FRMD5: variants seen among roughly 807,000 people sequenced by gnomAD.
FRMD5 encodes the protein FERM domain-containing protein 5.
FRMD5 carries 20 observed loss-of-function variants against 69.0 expected under a neutral mutation model. The ratio of observed to expected loss-of-function variants is 0.29; its 90% CI spans 0.20 to 0.42. FRMD5 has a LOEUF of 0.42. Ranked by LOEUF, FRMD5 falls within the 10% of genes least tolerant of loss-of-function variation. FRMD5 has a pLI of 1.00. For missense variants in FRMD5, 595 were observed against 708.6 expected, an observed-to-expected ratio of 0.84 and a Z score of 1.82; for synonymous variants, 271 against 260.1, an observed-to-expected ratio of 1.04 and a Z score of -0.40.
chr15:44,161,722 C>A (rs1169843454), intron 1 of FRMD5, among the ~76,000 whole-genome samples: 2 of 152,160 alleles, frequency 1.3e-5, no homozygotes, highest in African/African-American at 4.8e-5. Context: ...ACCTCATCTA[C>A]CTCTGTTCTA....
At chr15:44,191,233 T>A (rs889857202) in intron 1 of FRMD5, among the ~76,000 whole-genome samples, 1 of 152,204 alleles carries the variant, frequency 6.6e-6, no homozygotes, top group Non-Finnish European at 1.5e-5. Flanking sequence ...ATATTTCTAT[T>A]AGAAATGTTG....
chr15:44,108,450 G>A (rs2706493), intron 1 of FRMD5, among the ~76,000 whole-genome samples: 125,719 of 152,170 alleles, frequency 0.83, 54,639 homozygotes, highest in Non-Finnish European at 0.95. Context: ...TTCGAGACCA[G>A]CCTGACCAAC....
chr15:44,158,145 T>C (rs1319991769), intron 1 of FRMD5, among the ~76,000 whole-genome samples: 1 of 152,232 alleles, frequency 6.6e-6, no homozygotes. Flanking sequence ...CTAGGAATTT[T>C]AGAGCCTCTG....
rs1373836752 is a variant in FRMD5, at chr15:44,098,330, T to C, written c.102+96623A>G. Among the ~76,000 whole-genome samples the C allele has an allele frequency of 2.0e-5, 3 of 151,806 alleles. No individual in the cohort carries two copies. The East Asian group carries it at 5.8e-4, about 29-fold the overall frequency. On this transcript the variant is annotated intron_variant, in intron 1 of 13. Transcript: ENST00000417257. ...TCACGAGGTCAAGAGATCGAGACCA[T>C]CCTAACCAACATGGTGAAACCCTAT...
intron 1 of FRMD5, among the ~76,000 whole-genome samples, chr15:44,122,568 CAAACA>C (rs1444638309): frequency 6.6e-6 from 1 of 150,962 alleles, no homozygotes; most frequent in African/African-American, 2.4e-5. Context: ...GACCCTGCCT[CAAACA>C]AAACAAAACA....
In FRMD5 at chr15:43,883,700, C is replaced by T. The variant is rs151150599; in HGVS notation, c.1135+3G>A. 433 of 1,601,884 alleles carry T rather than the reference C, an allele frequency of 2.7e-4. 1 individual carries two copies. In the African/African-American group the frequency reaches 5.2e-3, roughly 19 times the overall value. ...GTGGTCACCTCAAGAAGCTCATGCT[C>T]ACCTTCCATGATGGAGATGTGAACA... On this transcript the variant is annotated splice_donor_region_variant and intron_variant, in intron 13 of 13. Transcript: ENST00000417257.
At chr15:43,991,439 C>CT (rs1889671010) in intron 1 of FRMD5, among the ~76,000 whole-genome samples, 1 of 152,208 alleles carries the variant, frequency 6.6e-6, no homozygotes, top group Admixed American at 6.5e-5. Flanking sequence ...TGGGACAGGT[C>CT]TTTGCTGCTG....
chr15:43,896,754 A>G (rs912575297), intron 7 of FRMD5, among the ~76,000 whole-genome samples: 2 of 152,194 alleles, frequency 1.3e-5, no homozygotes, highest in Non-Finnish European at 2.9e-5. Flanking sequence ...TTAGGCCTCT[A>G]GGGTCATACT....
chr15:44,128,849 GA>G (rs1176364299), intron 1 of FRMD5, among the ~76,000 whole-genome samples: 5 of 149,780 alleles, frequency 3.3e-5, no homozygotes, highest in Admixed American at 6.7e-5. Flanking sequence ...AAAAGAAAAA[GA>G]AAAAAAAACA....
chr15:44,050,134 A>G (rs906623751), intron 1 of FRMD5, among the ~76,000 whole-genome samples: 3 of 152,214 alleles, frequency 2.0e-5, no homozygotes, highest in Non-Finnish European at 2.9e-5. Flanking sequence ...CACAAAAATT[A>G]TATCTATGAA....
intron 1 of FRMD5, among the ~76,000 whole-genome samples, chr15:44,116,452 C>T (rs1202618057): frequency 6.6e-6 from 1 of 152,094 alleles, no homozygotes; most frequent in Non-Finnish European, 1.5e-5. Context: ...TAACAACTGG[C>T]AGAGCCTGTG....
intron 13 of FRMD5, 68 bp from the exon 14 acceptor site, chr15:43,874,530 T>C (rs921444646): frequency 2.4e-5 from 27 of 1,141,024 alleles, no homozygotes; most frequent in Non-Finnish European, 3.1e-5. Flanking sequence ...GTAGCACCCA[T>C]TGTGTTTTAT....
intron 1 of FRMD5, among the ~76,000 whole-genome samples, chr15:43,993,600 T>C (rs1287963735): frequency 2.0e-5 from 3 of 152,256 alleles, no homozygotes; most frequent in East Asian, 1.9e-4. Flanking sequence ...GTCCATTCGA[T>C]GTAAAGTACA....
chr15:44,152,047 TA>T, intron 1 of FRMD5, among the ~76,000 whole-genome samples: 1 of 152,150 alleles, frequency 6.6e-6, no homozygotes, highest in Non-Finnish European at 1.5e-5. Flanking sequence ...CCCTCTCTAC[TA>T]AAAATACAAA....
rs1489352459 is a variant in FRMD5, at chr15:43,900,873, T to C, written c.639+1302A>G. Among the ~76,000 whole-genome samples, 3 of 152,274 alleles carry C rather than the reference T, an allele frequency of 2.0e-5. No individual in the cohort carries two copies. In the East Asian group the frequency reaches 5.8e-4, roughly 29 times the overall value. On this transcript the variant is annotated intron_variant, in intron 7 of 13. Transcript: ENST00000417257. ...ACCTTGTGATCCGCCCACCTTGGCCTCCCAAAGTGCTGGGATAACAGGTGT... is the reference window on the plus strand; with the variant it reads ...ACCTTGTGATCCGCCCACCTTGGCCCCCCAAAGTGCTGGGATAACAGGTGT...
In FRMD5 at chr15:44,005,302, G is replaced by A. The variant is rs1595613294; in HGVS notation, c.103-80993C>T. ...TCGAGACCAGCCTGGCCAACATGGTGAAACCCCGTCTCTACAAAATCAGCC... is the reference window on the plus strand; with the variant it reads ...TCGAGACCAGCCTGGCCAACATGGTAAAACCCCGTCTCTACAAAATCAGCC... On this transcript the variant is annotated intron_variant, in intron 1 of 13. Transcript: ENST00000417257. Among the ~76,000 whole-genome samples the A allele has an allele frequency of 2.6e-5, 4 of 151,936 alleles. No individual in the cohort carries two copies. The South Asian group carries it at 8.3e-4, about 32-fold the overall frequency.
At chr15:44,148,026 C>A (rs905797549) in intron 1 of FRMD5, among the ~76,000 whole-genome samples, 1 of 152,140 alleles carries the variant, frequency 6.6e-6, no homozygotes, top group Non-Finnish European at 1.5e-5. Context: ...CCCATTAACA[C>A]CTAACCACTT....
chr15:44,185,770 G>A (rs2078089336), intron 1 of FRMD5, among the ~76,000 whole-genome samples: 1 of 151,374 alleles, frequency 6.6e-6, no homozygotes, highest in South Asian at 2.1e-4. Flanking sequence ...TCCAGCTTGG[G>A]CGACAGAGTG....
intron 1 of FRMD5, among the ~76,000 whole-genome samples, chr15:44,166,150 TAC>T (rs2077705113): frequency 6.6e-6 from 1 of 152,228 alleles, no homozygotes; most frequent in Non-Finnish European, 1.5e-5. Flanking sequence ...TTATTTAACT[TAC>T]AGTTTTTGCT....
Sources: allele counts gnomAD v4.1 joint callset (sites outside exome capture counted in the v4.1 genomes callset), GRCh38; gene constraint gnomAD v4.1.1; transcripts MANE v1.5; gene names NCBI Gene and HGNC (gene_info 2026-07-23, HGNC 2026-07-21).